ATG2B: variants seen among roughly 807,000 people sequenced by gnomAD.
ATG2B encodes autophagy-related protein 2 homolog B.
In ATG2B, 121 loss-of-function variants were observed where a neutral mutation model predicts 241.3. That is an observed-to-expected ratio of 0.50 (90% CI 0.43 to 0.58). The LOEUF (loss-of-function observed/expected upper bound fraction) is 0.58. ATG2B is among the 20% of genes least tolerant of loss of function. The pLI is 0.00. For synonymous variants in ATG2B, 858 were observed against 876.6 expected, an observed-to-expected ratio of 0.98 and a Z score of 0.37; for missense variants, 2,306 against 2,491.6, an observed-to-expected ratio of 0.93 and a Z score of 1.59.
chr14:96,347,274 A>C lies in ATG2B; in HGVS notation c.230T>G (p.Ile77Ser). The change falls in exon 2 of 42, where the codon ATT becomes AGT. Residue 77 changes from isoleucine (I) to serine (S), a missense_variant. Around this residue, in one of 2 missense-constraint regions of ATG2B, gnomAD observed 1,927 missense variants for 2,011.2 expected, o/e 0.96. Coordinates refer to ENST00000359933, the MANE Select transcript of ATG2B (RefSeq NM_018036.7). ...AGAGCCCCATGGAACTGACAGGGAA[A>C]TTGACTGAATGAATCCTTCAGTGAC... ...LEVTEGFIQS[I>S]SLSVPWGSLL... is the part of the protein sequence containing the mutation. The C allele has an allele frequency of 1.2e-6, 2 of 1,611,830 alleles. No homozygotes were observed. The highest frequency in any genetic ancestry group is 1.7e-4 in the Middle Eastern group (1 of 6,048).
At chr14:96,296,211 T>C (rs190857421) in intron 34 of ATG2B, among the ~76,000 whole-genome samples, 1 of 152,324 alleles carries the variant, frequency 6.6e-6, no homozygotes, top group East Asian at 1.9e-4. Context: ...CTGCTTTTCA[T>C]ACATTATATT....
intron 34 of ATG2B, among the ~76,000 whole-genome samples, chr14:96,297,843 G>A (rs1403662395): frequency 6.6e-6 from 1 of 152,032 alleles, no homozygotes; most frequent in African/African-American, 2.4e-5. Flanking sequence ...CCAGACTGGA[G>A]TACAGTAGCA....
At chr14:96,288,452 C>T (rs1210312498) in intron 41 of ATG2B, among the ~76,000 whole-genome samples, 2 of 152,218 alleles carry the variant, frequency 1.3e-5, no homozygotes, top group African/African-American at 2.4e-5. Context: ...CTATTGATAG[C>T]TGGCTCAATC....
At chr14:96,317,674 C>A (rs752229930) in intron 19 of ATG2B, 24 bp downstream of exon 19, 3 of 1,536,972 alleles carry the variant, frequency 2.0e-6, no homozygotes, top group South Asian at 2.5e-5. Context: ...CATTTTAAAT[C>A]AAAACAAATT....
At chr14:96,348,539 C>T (rs1329477659) in intron 1 of ATG2B, among the ~76,000 whole-genome samples, 1 of 151,800 alleles carries the variant, frequency 6.6e-6, no homozygotes, top group African/African-American at 2.4e-5. Flanking sequence ...AAAAATTAGC[C>T]AGGCGTGGTA....
Position 96,317,732 on chromosome 14 carries a change from A to G in ATG2B, c.3003T>C (p.Asp1001=), listed in dbSNP as rs546280373. 62 of 1,611,590 alleles carry G rather than the reference A, an allele frequency of 3.8e-5. No homozygotes were observed. In the South Asian group the frequency reaches 5.9e-4, roughly 15 times the overall value. Residue 1001 remains aspartate, a synonymous_variant, in exon 19 of 42, where the codon GAT becomes GAC. Coordinates refer to ENST00000359933, the MANE Select transcript of ATG2B (RefSeq NM_018036.7). ...CTGCAGATTTAAATGCACTAAAACT[A>G]TCTTTGTTGAAAGTATTAATGAGCT... ...ASQLINTFNK[D]SFSAFKSAVH... is the part of the protein sequence containing the mutation.
intron 25 of ATG2B, 68 bp from the exon 26 acceptor site, chr14:96,312,227 A>C (rs975524064): frequency 4.9e-6 from 5 of 1,020,092 alleles, no homozygotes; most frequent in Admixed American, 2.3e-5. Flanking sequence ...CATAATCACT[A>C]TATGCTTAAT....
At position 96,290,638 on chromosome 14, in the gene ATG2B, T is replaced by A; in HGVS notation, c.5702-48A>T. On this transcript the variant is annotated intron_variant, in intron 39 of 41. Transcript: ENST00000359933. The surrounding 1 kb of genome is among the most constrained non-coding windows in gnomAD (Gnocchi z 4.4). ...AACATCAGTGCCACAGTTCAGACTT[T>A]TCTATCATTCTAACCCTGGGGTTTT... The A allele has an allele frequency of 6.2e-7, 1 of 1,605,864 alleles. No homozygotes were observed. The highest frequency in any genetic ancestry group is 8.5e-7 in the Non-Finnish European group (1 of 1,174,752).
intron 18 of ATG2B, among the ~76,000 whole-genome samples, chr14:96,319,390 G>A (rs938549765): frequency 6.6e-6 from 1 of 152,110 alleles, no homozygotes; most frequent in Non-Finnish European, 1.5e-5. Context: ...CAAAATAGAT[G>A]CTCAGTACAT....
At chr14:96,335,000 C>CCA (rs964773049) in intron 6 of ATG2B, among the ~76,000 whole-genome samples, 28 of 152,186 alleles carry the variant, frequency 1.8e-4, no homozygotes, top group African/African-American at 6.8e-4. Context: ...CTACTGTGGT[C>CCA]CACAAAGCCC....
rs778030787 is a variant in ATG2B at position 96,362,805 on chromosome 14, C to T, written c.162+10G>A. The T allele has an allele frequency of 8.8e-6, 14 of 1,586,244 alleles. No homozygotes were observed. The highest frequency in any genetic ancestry group is 1.1e-5 in the Non-Finnish European group (13 of 1,163,502). ...CGAGCCCCGCCCGGCTCGCCGCCGG[C>T]AGCTCTTACCCATTTGTCCAAGGGG... On this transcript the variant is annotated intron_variant, in intron 1 of 41. Coordinates refer to ENST00000359933, the MANE Select transcript of ATG2B (RefSeq NM_018036.7).
intron 31 of ATG2B, 101 bp downstream of exon 31, chr14:96,305,488 T>C (rs1886916096): frequency 1.4e-6 from 1 of 703,694 alleles, no homozygotes; most frequent in Non-Finnish European, 2.3e-6. Context: ...TGATAAATCC[T>C]ATTTTTCTTT....
intron 1 of ATG2B, among the ~76,000 whole-genome samples, chr14:96,350,998 G>A (rs1415121058): frequency 1.3e-5 from 2 of 152,026 alleles, no homozygotes; most frequent in Non-Finnish European, 2.9e-5. Flanking sequence ...ACTGTCTAAG[G>A]TATAAAAACC....
intron 6 of ATG2B, 150 bp from the exon 7 acceptor site, chr14:96,334,651 CTA>C: frequency 2.0e-6 from 1 of 492,550 alleles, no homozygotes; most frequent in South Asian, 4.7e-5. Context: ...TTCACACCAT[CTA>C]AATGAAAAGA....
chr14:96,308,241 TATATATATATACACAC>T (rs201650309), intron 29 of ATG2B, among the ~76,000 whole-genome samples: 535 of 14,880 alleles, frequency 0.036, 28 homozygotes, highest in Non-Finnish European at 0.064. Flanking sequence ...CATATATATA[TATATATATATACACAC>T]ATATATATAT....
At chr14:96,340,852 A>G (rs1269757238) in intron 6 of ATG2B, among the ~76,000 whole-genome samples, 2 of 146,516 alleles carry the variant, frequency 1.4e-5, no homozygotes, top group Admixed American at 1.4e-4. Context: ...CAGGAAGTCG[A>G]GGCTGCAGTG....
In ATG2B at chr14:96,313,138, G is replaced by A. The variant is rs774394123; in HGVS notation, c.3769C>T (p.Arg1257Ter). The A allele has an allele frequency of 3.1e-6, 5 of 1,613,158 alleles. No homozygotes were observed. Among genetic ancestry groups the A allele is most frequent in the South Asian group, 1.1e-5 (1 of 91,002 alleles). Residue 1257 changes from arginine (R) to a stop codon, truncating the protein, a stop_gained, in exon 25 of 42, where the codon CGA becomes TGA. Transcript: ENST00000359933. LOFTEE classifies it high-confidence loss of function. ...AATGTTTCCACGGTAAGAAGAGATC[G>A]GATTGGCAAATAAAGGGGTCTAATG... ...LDYRPLYLPI[R>*]SLLTVETFSV...
In ATG2B at chr14:96,328,766, G is replaced by A. The variant is rs1321746587; in HGVS notation, c.1882C>T (p.Leu628Phe). ...FHSVPPHYTELLTFHSKEETG... is the reference protein window; with the variant it reads ...FHSVPPHYTEFLTFHSKEETG... ...TCTTCTTTGGAATGGAACGTTAAAA[G>A]CTTAAAAGTAAAGATGAAGATAAAT... Residue 628 changes from leucine (L) to phenylalanine (F), a missense_variant and splice_region_variant, in exon 13 of 42, where the codon CTT becomes TTT. By Grantham distance (22) the Leu-to-Phe change is conservative. Around this residue, in one of 2 missense-constraint regions of ATG2B, gnomAD observed 1,927 missense variants for 2,011.2 expected, o/e 0.96. Coordinates refer to ENST00000359933, the MANE Select transcript of ATG2B (RefSeq NM_018036.7). 2 of 1,601,032 alleles carry A rather than the reference G, an allele frequency of 1.2e-6. No homozygotes were observed. The highest frequency in any genetic ancestry group is 2.2e-5 in the East Asian group (1 of 44,664).
intron 29 of ATG2B, among the ~76,000 whole-genome samples, chr14:96,309,128 G>A (rs1887081291): frequency 6.6e-6 from 1 of 152,092 alleles, no homozygotes. Flanking sequence ...AAACAGTAGA[G>A]GATATACCAC....
Sources: allele counts gnomAD v4.1 joint callset (sites outside exome capture counted in the v4.1 genomes callset), GRCh38; gene constraint gnomAD v4.1.1; regional missense constraint gnomAD v4.1.1; non-coding constraint Gnocchi (gnomAD v3.1); transcripts MANE v1.5; gene names NCBI Gene and HGNC (gene_info 2026-07-23, HGNC 2026-07-21).